Variants in RYR2 observed in about 807,000 individuals in gnomAD.
RYR2 encodes the protein cardiac muscle ryanodine receptor-calcium release channel.
A neutral mutation model predicts 601.1 loss-of-function variants in RYR2; 227 were observed. The observed-to-expected ratio is 0.38, with a 90% confidence interval of 0.34 to 0.42. The LOEUF is 0.42. Among genes scored for constraint, RYR2 ranks in the 10% least tolerant of loss-of-function variants. The pLI is 1.00. For synonymous variants in RYR2, 2,223 were observed against 2,175.1 expected, an observed-to-expected ratio of 1.02 and a Z score of -0.61; for missense variants, 4,646 against 6,156.5, an observed-to-expected ratio of 0.75 and a Z score of 8.21.
At chr1:237,107,318 G>A (rs555061370) in intron 1 of RYR2, among the ~76,000 whole-genome samples, 9 of 151,432 alleles carry the variant, frequency 5.9e-5, no homozygotes, top group Non-Finnish European at 8.8e-5. Context: ...TCAGGAGATC[G>A]AGACCATCCT....
intron 2 of RYR2, among the ~76,000 whole-genome samples, chr1:237,271,304 G>A (rs544635324): frequency 6.6e-6 from 1 of 152,070 alleles, no homozygotes; most frequent in Non-Finnish European, 1.5e-5. Flanking sequence ...TGAGACAATC[G>A]CTCCGAGGAT....
Position 237,732,157 on chromosome 1 carries a change from T to G in RYR2, c.11039+8T>G, listed in dbSNP as rs28567649. On this transcript the variant is annotated splice_region_variant and intron_variant, in intron 78 of 104. Coordinates refer to ENST00000366574, the MANE Select transcript of RYR2 (RefSeq NM_001035.3). ...AGCTTTAACAGAGAAATGGTATGGT[T>G]GGGAGGGTTCCTATGAGACATAGGA... is the stretch of plus-strand genomic sequence containing the variant. The G allele has an allele frequency of 6.4e-7, 1 of 1,573,538 alleles. No homozygotes were observed. Among genetic ancestry groups the G allele is most frequent in the South Asian group, 1.1e-5 (1 of 89,562 alleles).
chr1:237,160,698 GA>G (rs1284188919), intron 1 of RYR2, among the ~76,000 whole-genome samples: 3 of 151,892 alleles, frequency 2.0e-5, no homozygotes, highest in African/African-American at 7.3e-5. Flanking sequence ...GGGAAGGTGA[GA>G]TTTTACAGAC....
intron 1 of RYR2, among the ~76,000 whole-genome samples, chr1:237,168,569 C>T (rs781243139): frequency 1.6e-4 from 25 of 151,964 alleles, no homozygotes; most frequent in Non-Finnish European, 2.5e-4. Context: ...GAGGAATATC[C>T]GTGTTTCCTG....
At chr1:237,107,679 G>A (rs1039885236) in intron 1 of RYR2, among the ~76,000 whole-genome samples, 3 of 152,154 alleles carry the variant, frequency 2.0e-5, no homozygotes, top group Admixed American at 1.3e-4. Context: ...CGTGGAAGAT[G>A]CCTCTGAGTC....
rs1663593887 is a variant in RYR2 at position 237,493,074 on chromosome 1, A to AGG, written c.1948_1949insGG (p.Asn650ArgfsTer7). Reference sequence around the variant, plus strand: ...CTTGTTATTGCAGACACGTCTTGTGAACCATGTCAGCAGGTAAATTCAGAC... The same window carrying AGG: ...CTTGTTATTGCAGACACGTCTTGTGAGGACCATGTCAGCAGGTAAATTCAGAC... On this transcript the variant is annotated frameshift_variant, in exon 19 of 105. Transcript: ENST00000366574. LOFTEE classifies it high-confidence loss of function. The AGG allele has an allele frequency of 6.2e-7, 1 of 1,613,574 alleles. No individual in the cohort carries two copies. Among genetic ancestry groups the AGG allele is most frequent in the African/African-American group, 1.3e-5 (1 of 74,922 alleles).
At position 237,179,090 on chromosome 1, in the gene RYR2, A is replaced by G. The variant is rs150063371; in HGVS notation, c.49-91407A>G. Among the ~76,000 whole-genome samples, 736 of 152,310 alleles carry G rather than the reference A, an allele frequency of 4.8e-3. 15 individuals carry two copies. In the South Asian group the frequency reaches 0.051, roughly 11 times the overall value. On this transcript the variant is annotated intron_variant, in intron 1 of 104. Transcript: ENST00000366574. ...TAATAGCTCTTATAATAAATGTGAT[A>G]GCTTTTAGGGCAATCCTAGCTCTCT...
chr1:237,795,212 C>T (rs879097129), intron 95 of RYR2, 77 bp from the exon 96 acceptor site: 13 of 675,024 alleles, frequency 1.9e-5, no homozygotes, highest in Middle Eastern at 3.5e-4. Context: ...TTTAAGTATG[C>T]CATATATCCC....
chr1:237,288,997 C>G (rs545797413), intron 2 of RYR2, among the ~76,000 whole-genome samples: 3 of 152,290 alleles, frequency 2.0e-5, no homozygotes, highest in South Asian at 2.1e-4. Context: ...TCCTTTACCC[C>G]CTGTATGTTG....
chr1:237,595,774 G>T lies in RYR2; in HGVS notation c.4596+117G>T, dbSNP rs189538415. On this transcript the variant is annotated intron_variant, in intron 34 of 104. Transcript: ENST00000366574. The stretch of plus-strand genomic sequence containing the variant: ...ATAGACACATGTACATGTGCCCCTG[G>T]TCTGAAAATCAGCCGAGCAGACCTG... 5 of 1,269,038 alleles carry T rather than the reference G, an allele frequency of 3.9e-6. No individual in the cohort carries two copies. The East Asian group carries it at 1.1e-4, about 28-fold the overall frequency. 78.6% of individuals were successfully genotyped at this position (1,269,038 alleles called of 1,614,324 possible).
intron 16 of RYR2, among the ~76,000 whole-genome samples, chr1:237,461,921 C>G (rs955813479): frequency 5.3e-5 from 8 of 151,950 alleles, no homozygotes; most frequent in South Asian, 2.1e-4. Context: ...AAAAGGGTAA[C>G]AAATACAACT....
intron 3 of RYR2, among the ~76,000 whole-genome samples, chr1:237,339,197 A>G (rs1449841242): frequency 1.3e-5 from 2 of 152,148 alleles, no homozygotes; most frequent in East Asian, 3.9e-4. Context: ...CAAAGAATGA[A>G]CAGGCTCCTA....
At chr1:237,806,339 C>CAAAG in intron 99 of RYR2, 56 bp downstream of exon 99, 2 of 1,519,288 alleles carry the variant, frequency 1.3e-6, no homozygotes, top group Non-Finnish European at 1.8e-6. Flanking sequence ...ACAAATAAAA[C>CAAAG]AAAGAAAAAT....
At chr1:237,251,988 G>A (rs150156295) in intron 1 of RYR2, among the ~76,000 whole-genome samples, 26 of 151,976 alleles carry the variant, frequency 1.7e-4, no homozygotes, top group Admixed American at 2.6e-4. Context: ...TCTGGATTCT[G>A]ACCTTTTCCC....
At chr1:237,405,833 GTCTTTA>G (rs1448611824) in intron 10 of RYR2, among the ~76,000 whole-genome samples, 1 of 151,082 alleles carries the variant, frequency 6.6e-6, no homozygotes, top group Non-Finnish European at 1.5e-5. Flanking sequence ...AATATCCAAA[GTCTTTA>G]TCTTTAACTC....
At position 237,214,601 on chromosome 1, in the gene RYR2, G is replaced by A. The variant is rs114885332; in HGVS notation, c.49-55896G>A. Among the ~76,000 whole-genome samples the A allele has an allele frequency of 2.2e-3, 339 of 152,216 alleles. 1 individual carries two copies. Among genetic ancestry groups the A allele is most frequent in the African/African-American group, 7.8e-3 (326 of 41,534 alleles). On this transcript the variant is annotated intron_variant, in intron 1 of 104. Coordinates refer to ENST00000366574, the MANE Select transcript of RYR2 (RefSeq NM_001035.3). ...CCCTATGTTCCAAACACTTCCTACC[G>A]GGTTCCACCTCTGACATTGGGGATC...
chr1:237,524,413 C>T (rs1667376979), intron 24 of RYR2, among the ~76,000 whole-genome samples: 1 of 152,136 alleles, frequency 6.6e-6, no homozygotes, highest in African/African-American at 2.4e-5. Context: ...GTGAGAAACG[C>T]CTGCAGCAGG....
chr1:237,183,345 A>C (rs575021427), intron 1 of RYR2, among the ~76,000 whole-genome samples: 1 of 152,342 alleles, frequency 6.6e-6, no homozygotes. Flanking sequence ...AAGGACTAGA[A>C]CCAAGAAAGA....
At chr1:237,527,778 C>T (rs1021211087) in intron 24 of RYR2, among the ~76,000 whole-genome samples, 1 of 142,276 alleles carries the variant, frequency 7.0e-6, no homozygotes, top group Non-Finnish European at 1.6e-5. Flanking sequence ...CATCTTTTCT[C>T]CTATCAGACT....
Sources: allele counts gnomAD v4.1 joint callset (sites outside exome capture counted in the v4.1 genomes callset), GRCh38; gene constraint gnomAD v4.1.1; transcripts MANE v1.5; gene names NCBI Gene and HGNC (gene_info 2026-07-23, HGNC 2026-07-21).